Variants in RPS6KB1 observed in about 807,000 individuals in gnomAD.
The protein encoded by RPS6KB1 is ribosomal protein S6 kinase B1, also known as ribosomal protein S6 kinase beta-1.
In RPS6KB1, 12 loss-of-function variants were observed where a neutral mutation model predicts 70.2. The ratio of observed to expected loss-of-function variants is 0.17; its 90% CI spans 0.11 to 0.28. The LOEUF is 0.28. Among genes scored for constraint, RPS6KB1 ranks in the 10% least tolerant of loss-of-function variants. The pLI, the probability that RPS6KB1 is intolerant of heterozygous loss-of-function variation, is 1.00. For synonymous variants in RPS6KB1, 175 were observed against 211.2 expected (o/e 0.83, Z 1.49); for missense variants, 270 against 646.6 (o/e 0.42, Z 6.32).
intron 4 of RPS6KB1, among the ~76,000 whole-genome samples, chr17:59,921,397 G>T (rs141942906): frequency 3.3e-5 from 5 of 152,146 alleles, no homozygotes; most frequent in African/African-American, 1.2e-4. Context: ...TGTCATTAGG[G>T]TTAAGTTCAG....
rs969168740 is a variant in RPS6KB1, at chr17:59,934,003, C to T, written c.689-167C>T. 5.0e-6 allele frequency: 3 copies of T among 604,738 alleles called. No homozygotes were observed. The highest frequency in any genetic ancestry group is 3.7e-5 in the African/African-American group (2 of 53,744). 37.5% of individuals were successfully genotyped at this position (604,738 alleles called of 1,614,324 possible). On this transcript the variant is annotated intron_variant, in intron 7 of 14. Coordinates refer to ENST00000225577, the MANE Select transcript of RPS6KB1 (RefSeq NM_003161.4). This position sits in a 1 kb window ranked among gnomAD's most constrained non-coding sequence, Gnocchi z 4.8. Reference sequence around the variant, plus strand: ...AAGGTGACTTTGCCCTAGCCTTAAACAGTTAGCATCCCATTTTATGGATGG... The same window carrying T: ...AAGGTGACTTTGCCCTAGCCTTAAATAGTTAGCATCCCATTTTATGGATGG...
chr17:59,944,160 C>T (rs2044787125), intron 13 of RPS6KB1, among the ~76,000 whole-genome samples: 1 of 152,090 alleles, frequency 6.6e-6, no homozygotes, highest in Non-Finnish European at 1.5e-5. Flanking sequence ...AAATCATATG[C>T]ACTTCAGAAT....
intron 1 of RPS6KB1, among the ~76,000 whole-genome samples, chr17:59,904,594 A>C (rs1002400768): frequency 9.3e-5 from 14 of 150,188 alleles, no homozygotes; most frequent in African/African-American, 3.4e-4. Flanking sequence ...GGGTTTTGCC[A>C]TGTTGGCCAG....
chr17:59,917,286 TA>T (rs903771119), intron 4 of RPS6KB1, among the ~76,000 whole-genome samples: 13 of 150,532 alleles, frequency 8.6e-5, no homozygotes, highest in Non-Finnish European at 1.6e-4. Flanking sequence ...GCCTGGCTAA[TA>T]AAAAAAAATG....
chr17:59,911,937 GAGA>G (rs1191678165), intron 2 of RPS6KB1, among the ~76,000 whole-genome samples: 3 of 151,778 alleles, frequency 2.0e-5, no homozygotes, highest in Non-Finnish European at 3.0e-5. Flanking sequence ...AACAGATACA[GAGA>G]AGAAGTTTTG....
chr17:59,918,129 C>T (rs1291503458), intron 4 of RPS6KB1, among the ~76,000 whole-genome samples: 1 of 151,974 alleles, frequency 6.6e-6, no homozygotes, highest in Non-Finnish European at 1.5e-5. Flanking sequence ...GACAGGGTTC[C>T]TCCATGTTGG....
intron 7 of RPS6KB1, among the ~76,000 whole-genome samples, chr17:59,933,148 T>C (rs1177186253): frequency 6.6e-6 from 1 of 152,030 alleles, no homozygotes; most frequent in East Asian, 1.9e-4. Flanking sequence ...TAGAAAATGA[T>C]GTATGAACAA....
At chr17:59,905,861 G>GCCCAGGCTGGAGTGGAACT (rs1431463190) in intron 1 of RPS6KB1, among the ~76,000 whole-genome samples, 18 of 151,852 alleles carry the variant, frequency 1.2e-4, no homozygotes, top group African/African-American at 4.1e-4. Flanking sequence ...TTGCTCTGTT[G>GCCCAGGCTGGAGTGGAACT]CCCAGGCTGG....
chr17:59,922,282 C>T (rs1425211394), intron 4 of RPS6KB1, among the ~76,000 whole-genome samples: 2 of 151,958 alleles, frequency 1.3e-5, no homozygotes, highest in African/African-American at 2.4e-5. Context: ...CTCAGGTGAG[C>T]CGCTCTCCTC....
At chr17:59,922,136 G>C (rs2043302289) in intron 4 of RPS6KB1, among the ~76,000 whole-genome samples, 1 of 151,616 alleles carries the variant, frequency 6.6e-6, no homozygotes, top group Non-Finnish European at 1.5e-5. Flanking sequence ...CACCTCCTGG[G>C]TTCAAGCGAT....
intron 4 of RPS6KB1, among the ~76,000 whole-genome samples, chr17:59,924,808 T>G (rs1426608345): frequency 6.6e-6 from 1 of 150,840 alleles, no homozygotes; most frequent in East Asian, 1.9e-4. Context: ...TTTCTTATTT[T>G]TATTTTATTT....
intron 12 of RPS6KB1, among the ~76,000 whole-genome samples, chr17:59,938,170 C>CTT (rs72001861): frequency 2.8e-5 from 2 of 71,452 alleles, no homozygotes; most frequent in Non-Finnish European, 5.5e-5. Context: ...TCTTTTCTTT[C>CTT]TTTTTTTTTT....
intron 1 of RPS6KB1, among the ~76,000 whole-genome samples, chr17:59,898,579 G>A (rs543200263): frequency 6.6e-5 from 10 of 151,694 alleles, no homozygotes; most frequent in African/African-American, 1.7e-4. Context: ...TCAGCCTCCC[G>A]AGTAGCTGGG....
chr17:59,929,723 G>T (rs1217951857), intron 5 of RPS6KB1, among the ~76,000 whole-genome samples: 1 of 152,154 alleles, frequency 6.6e-6, no homozygotes, highest in African/African-American at 2.4e-5. Flanking sequence ...TACGAAATAT[G>T]AGCATTCACT....
chr17:59,918,829 C>CTTTTTTTTT (rs35207575), intron 4 of RPS6KB1, among the ~76,000 whole-genome samples: 19 of 119,092 alleles, frequency 1.6e-4, no homozygotes, highest in South Asian at 2.7e-4. Flanking sequence ...ACTGATTATT[C>CTTTTTTTTT]TTTTTTTTTT....
At chr17:59,912,111 T>G (rs1487491521) in intron 2 of RPS6KB1, 1 of 152,646 alleles carries the variant, frequency 6.6e-6, no homozygotes, top group Non-Finnish European at 1.5e-5. Context: ...ATGAACTTTT[T>G]CTAACTTACC....
At chr17:59,916,246 G>A (rs547291111) in intron 4 of RPS6KB1, among the ~76,000 whole-genome samples, 3 of 151,754 alleles carry the variant, frequency 2.0e-5, no homozygotes, top group Non-Finnish European at 2.9e-5. Flanking sequence ...GATTACAGGC[G>A]CCCACCACCA....
At chr17:59,942,692 A>G (rs2044682266) in intron 13 of RPS6KB1, among the ~76,000 whole-genome samples, 2 of 152,146 alleles carry the variant, frequency 1.3e-5, no homozygotes, top group African/African-American at 4.8e-5. Context: ...GTAGTGTTGT[A>G]TCTTATGGGA....
At chr17:59,909,946 A>T (rs2042532791) in intron 1 of RPS6KB1, among the ~76,000 whole-genome samples, 2 of 152,148 alleles carry the variant, frequency 1.3e-5, no homozygotes, top group African/African-American at 4.8e-5. Flanking sequence ...TGGGAGGTGG[A>T]GGTTGCAGTG....
Sources: gnomAD v4.1 joint callset for allele counts (sites outside exome capture counted in the v4.1 genomes callset) on GRCh38, gnomAD v4.1.1 for gene constraint, Gnocchi (gnomAD v3.1) non-coding constraint, MANE v1.5 for transcripts, NCBI Gene and HGNC (gene_info 2026-07-23, HGNC 2026-07-21) for gene names.